Variants in SLC8A1 observed in about 807,000 individuals in gnomAD.
SLC8A1 encodes solute carrier family 8 member A1.
Under a neutral mutation model 68.3 loss-of-function variants are expected in SLC8A1, and 18 were observed. The observed-to-expected ratio is 0.26, with a 90% confidence interval of 0.18 to 0.39. SLC8A1 has a LOEUF of 0.39. Among genes scored for constraint, SLC8A1 ranks in the 10% least tolerant of loss-of-function variants. The pLI is 1.00. For synonymous variants in SLC8A1, 475 were observed against 415.5 expected (o/e 1.14, Z -1.74); for missense variants, 985 against 1,156.7 (o/e 0.85, Z 2.15).
intron 1 of SLC8A1, among the ~76,000 whole-genome samples, chr2:40,460,301 C>T (rs1020028223): frequency 6.6e-6 from 1 of 152,166 alleles, no homozygotes; most frequent in African/African-American, 2.4e-5. Flanking sequence ...TTATTCCACA[C>T]AGCAAAGTGC....
chr2:40,296,618 C>A (rs2070439849), intron 2 of SLC8A1, among the ~76,000 whole-genome samples: 1 of 151,988 alleles, frequency 6.6e-6, no homozygotes, highest in African/African-American at 2.4e-5. Context: ...AAGTTAAAGA[C>A]AGAACTCTGC....
chr2:40,431,890 C>T (rs547971437), intron 1 of SLC8A1, among the ~76,000 whole-genome samples: 2 of 152,052 alleles, frequency 1.3e-5, no homozygotes, highest in Non-Finnish European at 2.9e-5. Context: ...AGAGATCCCA[C>T]CATAGACTAA....
intron 6 of SLC8A1, among the ~76,000 whole-genome samples, chr2:40,158,751 AG>A (rs1229452636): frequency 6.6e-6 from 1 of 152,174 alleles, no homozygotes; most frequent in African/African-American, 2.4e-5. Context: ...TCTGTTCTAA[AG>A]ACATGTTGCC....
intron 2 of SLC8A1, among the ~76,000 whole-genome samples, chr2:40,238,072 TGCCCCCA>T (rs2060654069): frequency 6.6e-6 from 1 of 152,224 alleles, no homozygotes; most frequent in Admixed American, 6.5e-5. Context: ...GTCTGTGCCC[TGCCCCCA>T]GAGGTGGAGC....
chr2:40,154,299 CTTT>C lies in SLC8A1; in HGVS notation c.2161+6463_2161+6465del, dbSNP rs57350879. ...AATTTTTAATTTATTTTTATTTATT[CTTT>C]TTTTTTTTTTTTTTTTTTTGAGACG... On this transcript the variant is annotated intron_variant, in intron 6 of 7. Coordinates refer to ENST00000406785, the Ensembl canonical transcript of SLC8A1. Among the ~76,000 whole-genome samples the C allele has an allele frequency of 2.2e-3, 164 of 74,916 alleles. 3 individuals carry two copies. Among genetic ancestry groups the C allele is most frequent in the African/African-American group, 6.6e-3 (132 of 20,048 alleles). 49.1% of individuals were successfully genotyped at this position (74,916 alleles called of 152,430 possible).
At chr2:40,381,266 T>C (rs538376305) in intron 2 of SLC8A1, among the ~76,000 whole-genome samples, 2 of 151,952 alleles carry the variant, frequency 1.3e-5, no homozygotes, top group Non-Finnish European at 2.9e-5. Flanking sequence ...CCTTTCCCAA[T>C]CCACTACATG....
intron 2 of SLC8A1, among the ~76,000 whole-genome samples, chr2:40,309,187 T>C (rs1240944064): frequency 1.3e-5 from 2 of 152,218 alleles, no homozygotes; most frequent in Non-Finnish European, 2.9e-5. Context: ...TAGGTAAATT[T>C]TGTTTATTCC....
At position 40,170,501 on chromosome 2, in the gene SLC8A1, G is replaced by C. The variant is rs1192778755; in HGVS notation, c.1930+4324C>G. ...ATTCAATGATCATAGGTCACCCCTA[G>C]GTAGGTCACAGAAGGGAGCTCTGGT... On this transcript the variant is annotated intron_variant, in intron 4 of 7. Transcript: ENST00000406785. 2.4e-5 allele frequency: 16 copies of C among 653,570 alleles called. No individual in the cohort carries two copies. The East Asian group carries it at 4.4e-4, about 18-fold the overall frequency. The allele number at this position is 653,570 out of a possible 1,614,324, so 40.5% of individuals were successfully genotyped here.
intron 2 of SLC8A1, among the ~76,000 whole-genome samples, chr2:40,422,832 T>C (rs1259629204): frequency 6.6e-6 from 1 of 152,182 alleles, no homozygotes; most frequent in Non-Finnish European, 1.5e-5. Flanking sequence ...GCACATAACC[T>C]TTTATTTCAA....
intron 2 of SLC8A1, among the ~76,000 whole-genome samples, chr2:40,394,284 C>T (rs907067702): frequency 2.0e-5 from 3 of 152,074 alleles, no homozygotes; most frequent in African/African-American, 4.8e-5. Context: ...GGGGTGAATA[C>T]AGCCATTCTA....
chr2:40,145,163 A>G (rs1268766690), intron 6 of SLC8A1, among the ~76,000 whole-genome samples: 1 of 149,976 alleles, frequency 6.7e-6, no homozygotes, highest in Non-Finnish European at 1.5e-5. Flanking sequence ...TATTTTCCAC[A>G]TATAAGTGAG....
intron 2 of SLC8A1, among the ~76,000 whole-genome samples, chr2:40,358,130 A>G (rs2149469891): frequency 6.6e-6 from 1 of 152,052 alleles, no homozygotes; most frequent in East Asian, 1.9e-4. Flanking sequence ...AAACTGAAGA[A>G]AGGTTAAGAA....
chr2:40,430,133 T>C, exon 2 of SLC8A1: 2 of 1,613,850 alleles, frequency 1.2e-6, no homozygotes, highest in Non-Finnish European at 1.7e-6. Flanking sequence ...TATGATCCAG[T>C]ACATTCACCA....
At chr2:40,371,196 GA>G (rs1677926948) in intron 2 of SLC8A1, among the ~76,000 whole-genome samples, 1 of 152,098 alleles carries the variant, frequency 6.6e-6, no homozygotes, top group Non-Finnish European at 1.5e-5. Context: ...GTGTTCACAG[GA>G]AAGTCTAGAT....
chr2:40,466,972 T>TA (rs10642728), intron 1 of SLC8A1, among the ~76,000 whole-genome samples: 121,904 of 143,838 alleles, frequency 0.85, 52,453 homozygotes, highest in Non-Finnish European at 0.94. Flanking sequence ...ATGAGTTATC[T>TA]AAAAAAAAAA....
chr2:40,235,801 C>G (rs894232538), intron 2 of SLC8A1, among the ~76,000 whole-genome samples: 27 of 148,796 alleles, frequency 1.8e-4, no homozygotes, highest in Non-Finnish European at 3.1e-4. Flanking sequence ...TATGTTGTGT[C>G]TTTGTTCTCG....
intron 2 of SLC8A1, chr2:40,251,506 G>A (rs1401484922): frequency 1.3e-5 from 2 of 152,236 alleles, no homozygotes; most frequent in Non-Finnish European, 2.9e-5. Flanking sequence ...AAACCTGGCA[G>A]ACCAGGGCTC....
intron 2 of SLC8A1, among the ~76,000 whole-genome samples, chr2:40,409,912 T>C (rs1206738844): frequency 6.6e-6 from 1 of 151,966 alleles, no homozygotes; most frequent in Non-Finnish European, 1.5e-5. Context: ...CTACTGCATA[T>C]CTGGCATCCC....
chr2:40,394,247 C>T (rs12615002), intron 2 of SLC8A1, among the ~76,000 whole-genome samples: 30,783 of 151,974 alleles, frequency 0.2, 3,494 homozygotes, highest in African/African-American at 0.3. Flanking sequence ...CAACATGTTA[C>T]GCAAACACCT....
Sources: allele counts gnomAD v4.1 joint callset (sites outside exome capture counted in the v4.1 genomes callset), GRCh38; gene constraint gnomAD v4.1.1; transcripts MANE v1.5; gene names NCBI Gene and HGNC (gene_info 2026-07-23, HGNC 2026-07-21).